Variants in CCDC138 observed in about 807,000 individuals in gnomAD.
The protein encoded by CCDC138 is coiled-coil domain-containing protein 138.
In CCDC138, 66 loss-of-function variants were observed where a neutral mutation model predicts 82.3. The ratio of observed to expected loss-of-function variants is 0.80; its 90% CI spans 0.66 to 0.98. The LOEUF (loss-of-function observed/expected upper bound fraction) is 0.98. CCDC138 is among the 50% of genes least tolerant of loss of function. The probability of loss-of-function intolerance (pLI) is 0.00; values close to 1 mark genes in which losing one functional copy is unlikely to be tolerated. For missense variants in CCDC138, 816 were observed against 758.9 expected (o/e 1.08, Z -0.88); for synonymous variants, 297 against 265.4 (o/e 1.12, Z -1.16).
chr2:108,826,651 T>G (rs1331953184), intron 10 of CCDC138, among the ~76,000 whole-genome samples: 1 of 152,226 alleles, frequency 6.6e-6, no homozygotes, highest in Non-Finnish European at 1.5e-5. Flanking sequence ...GATTCATTAC[T>G]GTAGCTTTGT....
In CCDC138 at chr2:108,786,788, G is replaced by A. The variant is rs760088985; in HGVS notation, c.-35G>A. The A allele has an allele frequency of 9.0e-6, 14 of 1,553,480 alleles. No homozygotes were observed. Among genetic ancestry groups the A allele is most frequent in the Non-Finnish European group, 1.2e-5 (14 of 1,143,768 alleles). On this transcript the variant is annotated 5_prime_UTR_variant, in exon 1 of 15. Transcript: ENST00000295124. ...GTAGCGCCGCGGGTTTGATGAACGC[G>A]GTTCCCGGGGAGACTGGTACGGTTG... is the stretch of plus-strand genomic sequence containing the variant.
chr2:108,786,753 CTGCGGCCGCGT>C (rs1350639120), upstream of CCDC138: 1 of 1,433,302 alleles, frequency 7.0e-7, no homozygotes, highest in East Asian at 2.5e-5. Context: ...TCGTGACGCA[CTGCGGCCGCGT>C]AGCGCCGCGG....
At chr2:108,856,154 A>G (rs1273860870) in intron 12 of CCDC138, among the ~76,000 whole-genome samples, 1 of 151,950 alleles carries the variant, frequency 6.6e-6, no homozygotes, top group African/African-American at 2.4e-5. Context: ...CAGGTTTCTC[A>G]GTCATCTGTG....
rs1256738888 is a variant in CCDC138, at chr2:108,857,096, T to A, written c.1693+126T>A. ...TTTTTTTTTTTTTTTTTTTTTTTTT[T>A]TGAGATGGAGTCTCGCTTTGTCGTC... On this transcript the variant is annotated intron_variant, in intron 13 of 14. Coordinates refer to ENST00000295124, the MANE Select transcript of CCDC138 (RefSeq NM_144978.3). 1.0e-5 allele frequency: 4 copies of A among 392,604 alleles called. No homozygotes were observed. In the Admixed American group the frequency reaches 1.8e-4, roughly 18 times the overall value. The allele number at this position is 392,604 out of a possible 1,614,324, so 24.3% of individuals were successfully genotyped here.
At chr2:108,791,290 C>T (rs1679866643) in intron 3 of CCDC138, among the ~76,000 whole-genome samples, 1 of 152,136 alleles carries the variant, frequency 6.6e-6, no homozygotes, top group Non-Finnish European at 1.5e-5. Flanking sequence ...CCACTTTCTA[C>T]TCGTTATGTC....
intron 10 of CCDC138, among the ~76,000 whole-genome samples, chr2:108,823,409 A>G (rs1458325192): frequency 2.6e-5 from 4 of 152,332 alleles, no homozygotes; most frequent in South Asian, 2.1e-4. Context: ...ACTGAATTCA[A>G]CAGTACAGTC....
chr2:108,878,903 G>A (rs748172361), downstream of CCDC138, among the ~76,000 whole-genome samples: 16 of 152,106 alleles, frequency 1.1e-4, no homozygotes, highest in Non-Finnish European at 2.1e-4. Flanking sequence ...ATTAAAAATA[G>A]CATAAATATT....
At chr2:108,848,289 G>T (rs1690834070) in intron 12 of CCDC138, among the ~76,000 whole-genome samples, 1 of 152,148 alleles carries the variant, frequency 6.6e-6, no homozygotes, top group African/African-American at 2.4e-5. Flanking sequence ...GAAATAGAAG[G>T]GAATTAGGTG....
intron 4 of CCDC138, 180 bp from the exon 5 acceptor site, chr2:108,794,360 C>T (rs1220370673): frequency 6.0e-6 from 1 of 166,772 alleles, no homozygotes; most frequent in East Asian, 1.9e-4. Context: ...TGCTGTATAC[C>T]CTTCACCCAA....
intron 13 of CCDC138, among the ~76,000 whole-genome samples, chr2:108,864,612 A>G (rs1288618023): frequency 1.7e-4 from 26 of 152,138 alleles, no homozygotes; most frequent in Admixed American, 1.7e-3. Flanking sequence ...CCTGGCTAAC[A>G]TGGTGAAACC....
chr2:108,792,313 T>C (rs1379555926), intron 4 of CCDC138, among the ~76,000 whole-genome samples: 1 of 152,330 alleles, frequency 6.6e-6, no homozygotes, highest in Non-Finnish European at 1.5e-5. Flanking sequence ...CTCTTTTCCC[T>C]CTCCTTTGTT....
intron 9 of CCDC138, 77 bp from the exon 10 acceptor site, chr2:108,815,864 T>G (rs1393211114): frequency 1.7e-6 from 2 of 1,199,460 alleles, no homozygotes; most frequent in Non-Finnish European, 2.4e-6. Flanking sequence ...TTCTTATTAC[T>G]TAACAAATTT....
chr2:108,794,015 T>C (rs1372938720), intron 4 of CCDC138, among the ~76,000 whole-genome samples: 3 of 152,170 alleles, frequency 2.0e-5, no homozygotes, highest in Non-Finnish European at 4.4e-5. Flanking sequence ...ATACAGTGTT[T>C]GCAAAATAGG....
intron 11 of CCDC138, among the ~76,000 whole-genome samples, chr2:108,845,763 G>A (rs1690344523): frequency 6.6e-6 from 1 of 151,888 alleles, no homozygotes; most frequent in African/African-American, 2.4e-5. Flanking sequence ...AGTAGAGATG[G>A]GGTTTCACCA....
At chr2:108,832,344 C>CTTTTT (rs1179620383) in intron 10 of CCDC138, among the ~76,000 whole-genome samples, 16 of 122,218 alleles carry the variant, frequency 1.3e-4, no homozygotes, top group South Asian at 2.8e-4. Context: ...GTATTTCTTT[C>CTTTTT]TTTTTTTTTT....
chr2:108,873,419 TA>T, intron 13 of CCDC138, 31 bp from the exon 14 acceptor site: 1 of 1,525,112 alleles, frequency 6.6e-7, no homozygotes. Context: ...CGCTACTCCC[TA>T]ATAGTAAAGC....
chr2:108,869,923 A>G (rs906885368), intron 13 of CCDC138, among the ~76,000 whole-genome samples: 5 of 152,320 alleles, frequency 3.3e-5, no homozygotes, highest in African/African-American at 7.2e-5. Context: ...GGCTCATCCA[A>G]AGGAACAAAA....
chr2:108,787,156 T>G (rs1190088494), intron 1 of CCDC138, among the ~76,000 whole-genome samples: 2 of 152,116 alleles, frequency 1.3e-5, no homozygotes, highest in Non-Finnish European at 2.9e-5. Flanking sequence ...CATGGTGTGG[T>G]GTTGGAGAAA....
intron 9 of CCDC138, among the ~76,000 whole-genome samples, chr2:108,815,444 T>C (rs1684590207): frequency 6.7e-6 from 1 of 149,738 alleles, no homozygotes; most frequent in Admixed American, 6.8e-5. Flanking sequence ...TTAATATTAG[T>C]TGGGGAGGTT....
Sources: gnomAD v4.1 joint callset for allele counts (sites outside exome capture counted in the v4.1 genomes callset) on GRCh38, gnomAD v4.1.1 for gene constraint, MANE v1.5 for transcripts, NCBI Gene and HGNC (gene_info 2026-07-23, HGNC 2026-07-21) for gene names.